Variants in PPP4R3B observed in about 807,000 individuals in gnomAD.
The protein encoded by PPP4R3B is serine/threonine-protein phosphatase 4 regulatory subunit 3B.
In PPP4R3B, 52 loss-of-function variants were observed where a neutral mutation model predicts 95.4. The ratio of observed to expected loss-of-function variants is 0.54; its 90% CI spans 0.44 to 0.69. The LOEUF is 0.69. PPP4R3B is among the 30% of genes least tolerant of loss of function. The pLI, the probability that PPP4R3B is intolerant of heterozygous loss-of-function variation, is 0.00. For missense variants in PPP4R3B, 1,003 were observed against 1,005.9 expected (o/e 1.00, Z 0.04); for synonymous variants, 407 against 343.9 (o/e 1.18, Z -2.03).
intron 13 of PPP4R3B, 85 bp from the exon 14 acceptor site, chr2:55,565,126 A>C: frequency 9.1e-7 from 1 of 1,104,482 alleles, no homozygotes; most frequent in Non-Finnish European, 1.2e-6. Flanking sequence ...GTAGTTCTAA[A>C]GCTGATCAAA....
At chr2:55,551,476 C>A (rs553503487) in intron 16 of PPP4R3B, among the ~76,000 whole-genome samples, 1 of 152,088 alleles carries the variant, frequency 6.6e-6, no homozygotes, top group Non-Finnish European at 1.5e-5. Flanking sequence ...GATGGCCAGG[C>A]GCAGTGGCTC....
intron 4 of PPP4R3B, among the ~76,000 whole-genome samples, chr2:55,597,578 C>T (rs143596077): frequency 0.025 from 3,815 of 151,998 alleles, 152 homozygotes; most frequent in African/African-American, 0.088. Flanking sequence ...GCCAAGATTG[C>T]GCCACTGCAC....
Position 55,565,283 on chromosome 2 carries a change from AG to A in PPP4R3B, c.1936-243del, listed in dbSNP as rs559082363. 3.5e-3 allele frequency among the ~76,000 whole-genome samples: 525 copies of A among 149,758 alleles called. 2 individuals carry two copies. The highest frequency in any genetic ancestry group is 8.1e-3 in the South Asian group (38 of 4,698). ...TATAAAGAGCATTCGAAAAGTAAAT[AG>A]ATTTATTTTACATCTTCTATTTTTT... On this transcript the variant is annotated intron_variant, in intron 13 of 16. Transcript: ENST00000616407.
At chr2:55,581,948 C>T (rs541839182) in intron 7 of PPP4R3B, among the ~76,000 whole-genome samples, 1 of 151,366 alleles carries the variant, frequency 6.6e-6, no homozygotes, top group Non-Finnish European at 1.5e-5. Context: ...AAAAGCAGAG[C>T]ATGCTTCAAC....
At chr2:55,593,319 T>G (rs1338287939) in intron 4 of PPP4R3B, among the ~76,000 whole-genome samples, 1 of 152,200 alleles carries the variant, frequency 6.6e-6, no homozygotes, top group Non-Finnish European at 1.5e-5. Flanking sequence ...GCACACATAC[T>G]AGGAGCCACT....
intron 4 of PPP4R3B, among the ~76,000 whole-genome samples, chr2:55,594,334 G>T (rs777566537): frequency 2.7e-5 from 4 of 150,228 alleles, no homozygotes; most frequent in Non-Finnish European, 4.4e-5. Context: ...CAACATCATT[G>T]CTGGCACATA....
At chr2:55,589,634 G>A (rs1167504013) in intron 4 of PPP4R3B, among the ~76,000 whole-genome samples, 1 of 152,114 alleles carries the variant, frequency 6.6e-6, no homozygotes, top group Non-Finnish European at 1.5e-5. Flanking sequence ...ATAGTCAAGT[G>A]GCCAGGCGCG....
In PPP4R3B at chr2:55,547,748, C is replaced by G. The variant is rs1368035828; in HGVS notation, c.*2163G>C. 1.3e-5 allele frequency: 2 copies of G among 152,058 alleles called. No homozygotes were observed. The highest frequency in any genetic ancestry group is 2.9e-5 in the Non-Finnish European group (2 of 68,044). The allele number at this position is 152,058 out of a possible 1,614,324, so 9.4% of individuals were successfully genotyped here. A position where few individuals can be genotyped will look rare whatever the true frequency, so the allele number is the denominator to read the frequency against. On this transcript the variant is annotated 3_prime_UTR_variant, in exon 17 of 17. Coordinates refer to ENST00000616407, the MANE Select transcript of PPP4R3B (RefSeq NM_001122964.3). ...ACCAGCCTGGCCAAGATGGTGAAAC[C>G]CCGTCTCTACTGAAAATACAAAAAT...
At chr2:55,612,380 T>A (rs887664290) in intron 2 of PPP4R3B, among the ~76,000 whole-genome samples, 1 of 152,180 alleles carries the variant, frequency 6.6e-6, no homozygotes, top group Non-Finnish European at 1.5e-5. Context: ...CATAGAAAAA[T>A]GTTACTGTAT....
chr2:55,591,390 A>G (rs973448012), intron 4 of PPP4R3B: 1 of 328,482 alleles, frequency 3.0e-6, no homozygotes, highest in Non-Finnish European at 4.3e-6. Context: ...CAATCCTCCC[A>G]CCTCAGCCTC....
chr2:55,607,699 G>A lies in PPP4R3B; in HGVS notation c.199-3623C>T, dbSNP rs1045134137. ...AGGTATAATTAAGTAAATCACTGGC[G>A]ACTGGTGATTAATAAACCCTCAGCC... On this transcript the variant is annotated intron_variant, in intron 2 of 16. Coordinates refer to ENST00000616407, the MANE Select transcript of PPP4R3B (RefSeq NM_001122964.3). Among the ~76,000 whole-genome samples the A allele has an allele frequency of 5.3e-5, 8 of 152,110 alleles. No homozygotes were observed. In the East Asian group the frequency reaches 7.7e-4, roughly 15 times the overall value.
chr2:55,609,082 A>G (rs1693812958), intron 2 of PPP4R3B, among the ~76,000 whole-genome samples: 1 of 152,238 alleles, frequency 6.6e-6, no homozygotes, highest in African/African-American at 2.4e-5. Flanking sequence ...GGTCAGATCA[A>G]CAAGACTCAG....
intron 11 of PPP4R3B, 143 bp downstream of exon 11, chr2:55,577,172 T>G (rs1042890722): frequency 9.6e-7 from 1 of 1,040,776 alleles, no homozygotes; most frequent in African/African-American, 1.7e-5. Flanking sequence ...TTGGAGATAG[T>G]GGAATTACAA....
At chr2:55,568,414 T>C in intron 12 of PPP4R3B, 51 bp from the exon 13 acceptor site, 1 of 1,433,746 alleles carries the variant, frequency 7.0e-7, no homozygotes, top group Non-Finnish European at 9.3e-7. Flanking sequence ...TAAAATCAAT[T>C]ATTATACAGG....
At chr2:55,581,346 A>G (rs1298545711) in intron 8 of PPP4R3B, among the ~76,000 whole-genome samples, 1 of 152,232 alleles carries the variant, frequency 6.6e-6, no homozygotes, top group African/African-American at 2.4e-5. Context: ...AGAAATTAAC[A>G]CATAGAGGCC....
intron 4 of PPP4R3B, among the ~76,000 whole-genome samples, chr2:55,589,596 CGTT>C (rs1690672227): frequency 6.6e-6 from 1 of 152,088 alleles, no homozygotes; most frequent in Admixed American, 6.6e-5. Flanking sequence ...TTTCTACAGG[CGTT>C]GTCTAAAAGG....
At chr2:55,568,431 T>C in intron 12 of PPP4R3B, 68 bp from the exon 13 acceptor site, 2 of 1,338,908 alleles carry the variant, frequency 1.5e-6, no homozygotes, top group Non-Finnish European at 2.0e-6. Context: ...CAGGTGTTTT[T>C]CCACCATAAA....
intron 5 of PPP4R3B, among the ~76,000 whole-genome samples, chr2:55,587,157 G>C (rs565048551): frequency 8.5e-5 from 13 of 152,326 alleles, no homozygotes; most frequent in African/African-American, 3.1e-4. Context: ...ATGAAAGCAT[G>C]CATGCTTTGT....
chr2:55,558,768 C>T lies in PPP4R3B; in HGVS notation c.2454+7G>A. ...GCAAAGTTTGTGTGTAATGCTGTTT[C>T]ACCTACCTTGGTGGCTGTTACTGAC... On this transcript the variant is annotated splice_region_variant and intron_variant, in intron 16 of 16. Transcript: ENST00000616407. 6.3e-7 allele frequency: 1 copy of T among 1,583,694 alleles called. No homozygotes were observed. Among genetic ancestry groups the T allele is most frequent in the South Asian group, 1.2e-5 (1 of 86,884 alleles).
Sources: allele counts gnomAD v4.1 joint callset (sites outside exome capture counted in the v4.1 genomes callset), GRCh38; gene constraint gnomAD v4.1.1; transcripts MANE v1.5; gene names NCBI Gene and HGNC (gene_info 2026-07-23, HGNC 2026-07-21).